SHANK2: variants seen among roughly 807,000 people sequenced by gnomAD.
SHANK2 encodes the protein SH3 and multiple ankyrin repeat domains 2.
Under a neutral mutation model 133.7 loss-of-function variants are expected in SHANK2, and 43 were observed. The ratio of observed to expected loss-of-function variants is 0.32; its 90% CI spans 0.25 to 0.41. The LOEUF (loss-of-function observed/expected upper bound fraction) is 0.41. SHANK2 is among the 10% of genes least tolerant of loss of function. SHANK2 has a pLI of 1.00. For synonymous variants in SHANK2, 1,017 were observed against 952.8 expected (o/e 1.07, Z -1.24); for missense variants, 1,994 against 2,235.8 (o/e 0.89, Z 2.18).
chr11:70,642,053 T>C (rs1348746168), intron 17 of SHANK2, among the ~76,000 whole-genome samples: 4 of 152,134 alleles, frequency 2.6e-5, no homozygotes, highest in Non-Finnish European at 1.5e-5. Context: ...GGTACCAGGA[T>C]GGGTAAGGTC....
chr11:70,560,732 A>G (rs1164012330), intron 17 of SHANK2, among the ~76,000 whole-genome samples: 3 of 151,782 alleles, frequency 2.0e-5, no homozygotes, highest in African/African-American at 7.3e-5. Flanking sequence ...CCCGGGTTCA[A>G]GCGATTCTCC....
intron 14 of SHANK2, among the ~76,000 whole-genome samples, chr11:70,768,123 C>T (rs1169076399): frequency 1.3e-5 from 2 of 152,134 alleles, no homozygotes; most frequent in Non-Finnish European, 2.9e-5. Flanking sequence ...TGTAAAGTGG[C>T]GACAGCTGCA....
At chr11:70,711,227 G>T (rs779604010) in intron 14 of SHANK2, among the ~76,000 whole-genome samples, 1 of 152,172 alleles carries the variant, frequency 6.6e-6, no homozygotes, top group South Asian at 2.1e-4. Context: ...CCTTGAGTCC[G>T]CTCTGGCCAC....
In SHANK2 at chr11:70,485,613, A is replaced by G. The variant is rs1555152963; in HGVS notation, c.4680T>C (p.Asn1560=). The change falls in exon 25 of 26, where the codon AAT becomes AAC. Residue 1560 remains asparagine (N), a synonymous_variant. Coordinates refer to ENST00000601538, the MANE Select transcript of SHANK2 (RefSeq NM_012309.5). This position sits in a 1 kb window ranked among gnomAD's most constrained non-coding sequence, Gnocchi z 5.8. The part of the protein sequence containing the change: ...PKMKPIIHKS[N]ALYQDALVEE... ...CCACGAGCGCGTCTTGATAAAGTGC[A>G]TTGCTTTTGTGAATGATGGGCTTCA... 1 of 1,613,954 alleles carries G rather than the reference A, an allele frequency of 6.2e-7. No homozygotes were observed.
At chr11:70,606,030 G>T (rs1457568571) in intron 17 of SHANK2, among the ~76,000 whole-genome samples, 2 of 152,148 alleles carry the variant, frequency 1.3e-5, no homozygotes, top group African/African-American at 4.8e-5. Context: ...CCGAGGGTCG[G>T]GCTCCCCAGA....
intron 14 of SHANK2, among the ~76,000 whole-genome samples, chr11:70,784,681 C>T (rs1335309302): frequency 1.4e-4 from 22 of 152,200 alleles, no homozygotes; most frequent in Admixed American, 1.3e-3. Context: ...CTGTCCCCCT[C>T]TGTGGCATGG....
At chr11:71,190,988 G>A (rs1424941112) in intron 2 of SHANK2, among the ~76,000 whole-genome samples, 1 of 152,022 alleles carries the variant, frequency 6.6e-6, no homozygotes, top group East Asian at 1.9e-4. Flanking sequence ...CTTCTCAGAG[G>A]AATTGGGGCT....
intron 17 of SHANK2, among the ~76,000 whole-genome samples, chr11:70,577,240 T>C (rs1164073082): frequency 1.3e-5 from 2 of 152,152 alleles, no homozygotes; most frequent in African/African-American, 4.8e-5. Context: ...CTGGAAAGCA[T>C]GATAAGGGAT....
chr11:71,184,448 C>T (rs1956438678), intron 2 of SHANK2, among the ~76,000 whole-genome samples: 1 of 152,174 alleles, frequency 6.6e-6, no homozygotes, highest in Non-Finnish European at 1.5e-5. Flanking sequence ...AGAGTTTGCC[C>T]CTGAATGTCG....
chr11:70,746,498 G>A (rs781825947), intron 14 of SHANK2, among the ~76,000 whole-genome samples: 3 of 150,550 alleles, frequency 2.0e-5, no homozygotes, highest in Non-Finnish European at 4.4e-5. Context: ...CAGGGCGGGG[G>A]ATGCGGGGTG....
intron 10 of SHANK2, chr11:70,952,848 G>C (rs1020864812): frequency 1.9e-5 from 7 of 369,486 alleles, no homozygotes; most frequent in Admixed American, 1.9e-4. Context: ...TCACAAACAA[G>C]GTGGCTTCAA....
intron 1 of SHANK2, among the ~76,000 whole-genome samples, chr11:71,249,475 T>C (rs1948141207): frequency 6.6e-6 from 1 of 152,146 alleles, no homozygotes; most frequent in Non-Finnish European, 1.5e-5. Context: ...ACACCCTCCC[T>C]GCTGCCCCAA....
At chr11:70,525,419 C>T (rs555652948) in intron 17 of SHANK2, among the ~76,000 whole-genome samples, 24 of 152,224 alleles carry the variant, frequency 1.6e-4, no homozygotes, top group African/African-American at 5.1e-4. Context: ...CAGCTCATCC[C>T]GGGTCTGTGA....
At chr11:71,216,764 C>G (rs1954422873) in intron 2 of SHANK2, among the ~76,000 whole-genome samples, 1 of 152,230 alleles carries the variant, frequency 6.6e-6, no homozygotes, top group Non-Finnish European at 1.5e-5. Flanking sequence ...CTGGCCTAAA[C>G]AGACCTCCTG....
chr11:70,675,321 G>A (rs1382112028), intron 15 of SHANK2, among the ~76,000 whole-genome samples: 1 of 152,232 alleles, frequency 6.6e-6, no homozygotes, highest in Non-Finnish European at 1.5e-5. Context: ...TGTTCTAAGT[G>A]TTCTGTGGGT....
chr11:71,105,807 C>T (rs1391900055), intron 6 of SHANK2, among the ~76,000 whole-genome samples: 4 of 151,878 alleles, frequency 2.6e-5, no homozygotes, highest in Admixed American at 2.0e-4. Context: ...CAACTCCAGG[C>T]GTAAACCCTC....
intron 1 of SHANK2, among the ~76,000 whole-genome samples, chr11:71,235,593 C>T (rs1565530816): frequency 5.6e-5 from 5 of 89,610 alleles, no homozygotes; most frequent in South Asian, 9.3e-4. Context: ...AACTCTCTCT[C>T]GGGGAAAAAA....
chr11:70,472,658 A>G lies in SHANK2; in HGVS notation c.*211T>C, dbSNP rs1297016691. 1.7e-6 allele frequency: 1 copy of G among 602,848 alleles called. No individual in the cohort carries two copies. Among genetic ancestry groups the G allele is most frequent in the Non-Finnish European group, 3.0e-6 (1 of 337,740 alleles). The allele number at this position is 602,848 out of a possible 1,614,324, so 37.3% of individuals were successfully genotyped here. ...ACTCCCTCCCCTTGTCCCATGTGTG[A>G]TAGAAACTGCCCAAGACACCCACAT... is the stretch of plus-strand genomic sequence containing the variant. On this transcript the variant is annotated 3_prime_UTR_variant, in exon 26 of 26. Coordinates refer to ENST00000601538, the MANE Select transcript of SHANK2 (RefSeq NM_012309.5). The surrounding 1 kb of genome is among the most constrained non-coding windows in gnomAD (Gnocchi z 4.4).
intron 14 of SHANK2, among the ~76,000 whole-genome samples, chr11:70,735,899 C>G (rs1017531100): frequency 3.9e-5 from 6 of 151,986 alleles, no homozygotes; most frequent in African/African-American, 1.5e-4. Flanking sequence ...AACCCTACAC[C>G]CATCACCATC....
Sources: gnomAD v4.1 joint callset for allele counts (sites outside exome capture counted in the v4.1 genomes callset) on GRCh38, gnomAD v4.1.1 for gene constraint, Gnocchi (gnomAD v3.1) non-coding constraint, MANE v1.5 for transcripts, NCBI Gene and HGNC (gene_info 2026-07-23, HGNC 2026-07-21) for gene names.